PLK3: variants seen among roughly 807,000 people sequenced by gnomAD.
PLK3 encodes the protein serine/threonine-protein kinase PLK3.
In PLK3, 41 loss-of-function variants were observed where a neutral mutation model predicts 71.6. The ratio of observed to expected loss-of-function variants is 0.57; its 90% CI spans 0.45 to 0.74. The LOEUF (loss-of-function observed/expected upper bound fraction) is 0.74. Ranked by LOEUF, PLK3 falls within the 30% of genes least tolerant of loss-of-function variation. The probability of loss-of-function intolerance (pLI) is 0.00; values close to 1 mark genes in which losing one functional copy is unlikely to be tolerated. For missense variants in PLK3, 791 were observed against 875.6 expected, an observed-to-expected ratio of 0.90 and a Z score of 1.22; for synonymous variants, 366 against 355.4, an observed-to-expected ratio of 1.03 and a Z score of -0.33.
Position 44,804,515 on chromosome 1 carries a change from T to C in PLK3, c.1505+14T>C, listed in dbSNP as rs771547141. On this transcript the variant is annotated intron_variant, in intron 12 of 14. Coordinates refer to ENST00000372201, the MANE Select transcript of PLK3 (RefSeq NM_004073.4). Reference sequence around the variant, plus strand: ...GGCCAACAGAAAGTAAGTGCTGTTATGGGGTGCCTTGTATTCAGGCCACTA... The same window carrying C: ...GGCCAACAGAAAGTAAGTGCTGTTACGGGGTGCCTTGTATTCAGGCCACTA... The C allele has an allele frequency of 3.1e-6, 5 of 1,613,452 alleles. No homozygotes were observed. Among genetic ancestry groups the C allele is most frequent in the African/African-American group, 1.3e-5 (1 of 74,926 alleles).
rs1651887283 is a variant in PLK3, at chr1:44,803,065, C to T, written c.860C>T (p.Ala287Val). 1 of 1,613,844 alleles carries T rather than the reference C, an allele frequency of 6.2e-7. No homozygotes were observed. Among genetic ancestry groups the T allele is most frequent in the African/African-American group, 1.3e-5 (1 of 74,892 alleles). Reference sequence around the variant, plus strand: ...CTGCCTGCCAGCCTCTCACTGCCTGCCCGGCAGCTCCTGGCCGCCATCCTT... The same window carrying T: ...CTGCCTGCCAGCCTCTCACTGCCTGTCCGGCAGCTCCTGGCCGCCATCCTT... The part of the protein sequence containing the change: ...YTLPASLSLP[A>V]RQLLAAILRA... Residue 287 changes from alanine to valine, a missense_variant, in exon 7 of 15, where the codon GCC becomes GTC. Physicochemically the swap from Ala to Val is moderately conservative, Grantham distance 64 (BLOSUM62 0). Transcript: ENST00000372201. This position sits in a 1 kb window ranked among gnomAD's most constrained non-coding sequence, Gnocchi z 4.3.
At chr1:44,805,033 G>A in intron 13 of PLK3, 1 of 581,194 alleles carries the variant, frequency 1.7e-6, no homozygotes, top group Non-Finnish European at 3.1e-6. Context: ...GAACCCAGGA[G>A]GCGGAGCTTG....
chr1:44,803,795 G>T lies in PLK3; in HGVS notation c.1164+104G>T. The T allele has an allele frequency of 8.8e-7, 1 of 1,140,836 alleles. No individual in the cohort carries two copies. Among genetic ancestry groups the T allele is most frequent in the Middle Eastern group, 2.3e-4 (1 of 4,318 alleles). The allele number at this position is 1,140,836 out of a possible 1,614,324, so 70.7% of individuals were successfully genotyped here. On this transcript the variant is annotated intron_variant, in intron 9 of 14. Transcript: ENST00000372201. The surrounding 1 kb of genome is among the most constrained non-coding windows in gnomAD (Gnocchi z 4.3). Reference sequence around the variant, plus strand: ...TGCTGAAGCATCCAGCCTCGTGGTGGCCTAATTGGCTGTGTGTCACCAGCC... The same window carrying T: ...TGCTGAAGCATCCAGCCTCGTGGTGTCCTAATTGGCTGTGTGTCACCAGCC...
intron 13 of PLK3, 67 bp downstream of exon 13, chr1:44,804,846 C>G (rs1202665130): frequency 2.4e-5 from 37 of 1,526,432 alleles, no homozygotes; most frequent in Non-Finnish European, 3.2e-5. Context: ...TGGCTCACGC[C>G]TGTAATCCCA....
rs1265417635 is a variant in PLK3 at position 44,803,458 on chromosome 1, G to A, written c.1072+67G>A. On this transcript the variant is annotated intron_variant, in intron 8 of 14. Transcript: ENST00000372201. This position sits in a 1 kb window ranked among gnomAD's most constrained non-coding sequence, Gnocchi z 4.3. Reference sequence around the variant, plus strand: ...GAGCGGCTTGTCACATTTGTCTTGGGTGTGTGAGTGTGGGTGCCTGGAAAC... The same window carrying A: ...GAGCGGCTTGTCACATTTGTCTTGGATGTGTGAGTGTGGGTGCCTGGAAAC... The A allele has an allele frequency of 6.2e-7, 1 of 1,605,946 alleles. No individual in the cohort carries two copies. Among genetic ancestry groups the A allele is most frequent in the Non-Finnish European group, 8.5e-7 (1 of 1,174,522 alleles).
In PLK3 at chr1:44,805,495, C is replaced by G. The variant is rs1651996507; in HGVS notation, c.1758C>G (p.Phe586Leu). 1 of 1,614,154 alleles carries G rather than the reference C, an allele frequency of 6.2e-7. No homozygotes were observed. The highest frequency in any genetic ancestry group is 8.5e-7 in the Non-Finnish European group (1 of 1,179,998). The change falls in exon 15 of 15, where the codon TTC (phenylalanine) becomes TTG (leucine). Residue 586 changes from phenylalanine (F) to leucine (L), a missense_variant. Physicochemically the swap from Phe to Leu is conservative, Grantham distance 22. Coordinates refer to ENST00000372201, the MANE Select transcript of PLK3 (RefSeq NM_004073.4). The part of the protein sequence containing the change: ...LFSDGTVQVN[F>L]YGDHTKLILS... ...TCATGCTCTGTGTGCAGGTGAACTT[C>G]TACGGGGACCACACCAAGCTGATTC...
Position 44,804,421 on chromosome 1 carries a change from C to A in PLK3, c.1425C>A (p.Gly475=), listed in dbSNP as rs1651940147. ...SKWVDYSNKF[G]FGYQLSSRRV... is the part of the protein sequence containing the mutation. Reference sequence around the variant, plus strand: ...GGGTTGACTACTCCAATAAGTTCGGCTTTGGGTATCAACTGTCCAGCCGCC... The same window carrying A: ...GGGTTGACTACTCCAATAAGTTCGGATTTGGGTATCAACTGTCCAGCCGCC... The change falls in exon 12 of 15, where the codon GGC becomes GGA. Residue 475 remains glycine, a synonymous_variant. Transcript: ENST00000372201. 6.2e-7 allele frequency: 1 copy of A among 1,614,202 alleles called. No homozygotes were observed.
Position 44,805,891 on chromosome 1 carries a change from C to T in PLK3, c.*213C>T. On this transcript the variant is annotated 3_prime_UTR_variant, in exon 15 of 15. Coordinates refer to ENST00000372201, the MANE Select transcript of PLK3 (RefSeq NM_004073.4). Reference sequence around the variant, plus strand: ...TGAGCCTTAGCTCCCAGCTAGGGGGCGTTATTTATGGACCACTTTTATTTA... The same window carrying T: ...TGAGCCTTAGCTCCCAGCTAGGGGGTGTTATTTATGGACCACTTTTATTTA... 1 of 1,440,142 alleles carries T rather than the reference C, an allele frequency of 6.9e-7. No homozygotes were observed. Among genetic ancestry groups the T allele is most frequent in the Non-Finnish European group, 9.2e-7 (1 of 1,087,268 alleles). The allele number at this position is 1,440,142 out of a possible 1,614,324, so 89.2% of individuals were successfully genotyped here.
rs543362148 is a variant in PLK3, at chr1:44,805,137, C to G, written c.1636-129C>G. 1.2e-4 allele frequency: 79 copies of G among 663,056 alleles called. 2 individuals are homozygous for G. In the East Asian group the frequency reaches 1.9e-3, roughly 16 times the overall value. 41.1% of individuals were successfully genotyped at this position (663,056 alleles called of 1,614,324 possible). A position where few individuals can be genotyped will look rare whatever the true frequency, so the allele number is the denominator to read the frequency against. On this transcript the variant is annotated intron_variant, in intron 13 of 14. Transcript: ENST00000372201. ...AAAAAATAAAGAAAAGAAAACTAAC[C>G]CATCCTGATCCCTCTGATTCCCCCT...
chr1:44,804,531 C>G lies in PLK3; in HGVS notation c.1505+30C>G, dbSNP rs369061089. 14 of 1,611,568 alleles carry G rather than the reference C, an allele frequency of 8.7e-6. 1 individual carries two copies. Among genetic ancestry groups the G allele is most frequent in the East Asian group, 2.2e-5 (1 of 44,882 alleles). ...GTGCTGTTATGGGGTGCCTTGTATT[C>G]AGGCCACTAATCCAGCAGGGCCGCA... On this transcript the variant is annotated intron_variant, in intron 12 of 14. Transcript: ENST00000372201.
Position 44,804,408 on chromosome 1 carries a change from C to CCAA in PLK3, c.1413_1415dup (p.Asn472dup), listed in dbSNP as rs1434339046. 1.2e-6 allele frequency: 2 copies of CCAA among 1,614,168 alleles called. No homozygotes were observed. The highest frequency in any genetic ancestry group is 2.7e-5 in the African/African-American group (2 of 75,042). Reference sequence around the variant, plus strand: ...TGGGTCAGCAAGTGGGTTGACTACTCCAATAAGTTCGGCTTTGGGTATCAA... The same window carrying CCAA: ...TGGGTCAGCAAGTGGGTTGACTACTCCAACAATAAGTTCGGCTTTGGGTATCAA... On this transcript the variant is annotated inframe_insertion, in exon 12 of 15. Coordinates refer to ENST00000372201, the MANE Select transcript of PLK3 (RefSeq NM_004073.4).
In PLK3 at chr1:44,804,472, C is replaced by G; in HGVS notation, c.1476C>G (p.Gly492=). ...GTGTGGCTGTGCTCTTCAACGATGG[C>G]ACACATATGGCCCTGTCGGCCAACA... ...SRRVAVLFND[G]THMALSANRK... is the part of the protein sequence containing the mutation. Residue 492 remains glycine, a synonymous_variant, in exon 12 of 15, where the codon GGC becomes GGG. Coordinates refer to ENST00000372201, the MANE Select transcript of PLK3 (RefSeq NM_004073.4). The G allele has an allele frequency of 6.2e-7, 1 of 1,614,196 alleles. No homozygotes were observed.
intron 13 of PLK3, 50 bp downstream of exon 13, chr1:44,804,829 G>C: frequency 6.3e-7 from 1 of 1,593,712 alleles, no homozygotes; most frequent in Non-Finnish European, 8.6e-7. Flanking sequence ...ATCCTGGCCG[G>C]GTGCGGTGGC....
Position 44,803,567 on chromosome 1 carries a change from G to T in PLK3, c.1073-33G>T. 6.3e-7 allele frequency: 1 copy of T among 1,597,668 alleles called. No individual in the cohort carries two copies. Among genetic ancestry groups the T allele is most frequent in the Non-Finnish European group, 8.6e-7 (1 of 1,165,620 alleles). On this transcript the variant is annotated intron_variant, in intron 8 of 14. Coordinates refer to ENST00000372201, the MANE Select transcript of PLK3 (RefSeq NM_004073.4). This position sits in a 1 kb window ranked among gnomAD's most constrained non-coding sequence, Gnocchi z 4.3. ...TGTCGGAAGTGGAGGGGCTGGGCAG[G>T]ATACTGAGGACGGTATCACCTTTCA...
At position 44,803,014 on chromosome 1, in the gene PLK3, G is replaced by A. The variant is rs374873402; in HGVS notation, c.809G>A (p.Arg270His). The A allele has an allele frequency of 7.4e-6, 12 of 1,613,886 alleles. No homozygotes were observed. Among genetic ancestry groups the A allele is most frequent in the African/African-American group, 4.0e-5 (3 of 74,906 alleles). The change falls in exon 7 of 15, where the codon CGC becomes CAC. Residue 270 changes from arginine to histidine, a missense_variant. Arg to His is a conservative substitution (Grantham distance 29, BLOSUM62 0). Coordinates refer to ENST00000372201, the MANE Select transcript of PLK3 (RefSeq NM_004073.4). This position sits in a 1 kb window ranked among gnomAD's most constrained non-coding sequence, Gnocchi z 4.3. ...ACGGCTGACCTGAAGGAGACGTACC[G>A]CTGCATCAAGCAGGTTCACTACACG... ...FETADLKETY[R>H]CIKQVHYTLP...
Position 44,803,070 on chromosome 1 carries a change from C to T in PLK3, c.865C>T (p.Gln289Ter). The change falls in exon 7 of 15, where the codon CAG becomes TAG. Residue 289 changes from glutamine to a stop codon, truncating the protein, a stop_gained. Transcript: ENST00000372201. LOFTEE classifies it high-confidence loss of function. The surrounding 1 kb of genome is among the most constrained non-coding windows in gnomAD (Gnocchi z 4.3). ...LPASLSLPAR[Q>*]LLAAILRASP... ...TGCCAGCCTCTCACTGCCTGCCCGG[C>T]AGCTCCTGGCCGCCATCCTTCGGGC... is the stretch of plus-strand genomic sequence containing the variant. 1 of 1,613,962 alleles carries T rather than the reference C, an allele frequency of 6.2e-7. No homozygotes were observed. The highest frequency in any genetic ancestry group is 1.1e-5 in the South Asian group (1 of 91,088).
chr1:44,805,779 G>C lies in PLK3; in HGVS notation c.*101G>C, dbSNP rs554503154. 7 of 1,357,058 alleles carry C rather than the reference G, an allele frequency of 5.2e-6. No homozygotes were observed. The East Asian group carries it at 1.7e-4, about 33-fold the overall frequency. 84.1% of individuals were successfully genotyped at this position (1,357,058 alleles called of 1,614,324 possible). On this transcript the variant is annotated 3_prime_UTR_variant, in exon 15 of 15. Transcript: ENST00000372201. ...GGTGCCTCACTGGGGGCTTTGGGCC[G>C]AATCCCCCAGGGAATCAGGGACCAG... is the stretch of plus-strand genomic sequence containing the variant.
At position 44,804,768 on chromosome 1, in the gene PLK3, C is replaced by A. The variant is rs964919412; in HGVS notation, c.1624C>A (p.His542Asn). Reference sequence around the variant, plus strand: ...GTACTTCGCCTCCTACATGGAGCAGCACCTCATGAAGGTGTGAGGGCTGGG... The same window carrying A: ...GTACTTCGCCTCCTACATGGAGCAGAACCTCATGAAGGTGTGAGGGCTGGG... ...LRYFASYMEQ[H>N]LMKGGDLPSV... is the part of the protein sequence containing the mutation. The change falls in exon 13 of 15, where the codon CAC becomes AAC. Residue 542 changes from histidine (H) to asparagine (N), a missense_variant. Physicochemically the swap from His to Asn is moderately conservative, Grantham distance 68. Coordinates refer to ENST00000372201, the MANE Select transcript of PLK3 (RefSeq NM_004073.4). The A allele has an allele frequency of 9.9e-6, 16 of 1,613,882 alleles. No homozygotes were observed. Among genetic ancestry groups the A allele is most frequent in the Admixed American group, 1.7e-5 (1 of 59,984 alleles).
At chr1:44,804,115 G>C (rs1289261713) in intron 10 of PLK3, 48 bp from the exon 11 acceptor site, 1 of 1,568,586 alleles carries the variant, frequency 6.4e-7, no homozygotes, top group African/African-American at 1.3e-5. Flanking sequence ...GGCCTGGCCT[G>C]GGTCCTGGGG....
Sources: allele counts gnomAD v4.1 joint callset, GRCh38; gene constraint gnomAD v4.1.1; non-coding constraint Gnocchi (gnomAD v3.1); transcripts MANE v1.5; gene names NCBI Gene and HGNC (gene_info 2026-07-23, HGNC 2026-07-21).